Variants in NEDD4L observed in about 807,000 individuals in gnomAD.
The protein encoded by NEDD4L is NEDD4 like E3 ubiquitin protein ligase, also known as E3 ubiquitin-protein ligase NEDD4-like.
NEDD4L carries 54 observed loss-of-function variants against 148.9 expected under a neutral mutation model. That is an observed-to-expected ratio of 0.36 (90% CI 0.29 to 0.45). NEDD4L has a LOEUF of 0.45. Among genes scored for constraint, NEDD4L ranks in the 20% least tolerant of loss-of-function variants. NEDD4L has a pLI of 1.00. For missense variants in NEDD4L, 856 were observed against 1,233.8 expected, an observed-to-expected ratio of 0.69 and a Z score of 4.59; for synonymous variants, 433 against 440.7, an observed-to-expected ratio of 0.98 and a Z score of 0.22.
At chr18:58,290,039 CA>C (rs2054492568) in intron 5 of NEDD4L, among the ~76,000 whole-genome samples, 1 of 152,180 alleles carries the variant, frequency 6.6e-6, no homozygotes, top group South Asian at 2.1e-4. Context: ...ATGATTAAAA[CA>C]AAATATCCGC....
At chr18:58,387,268 T>C (rs944029425) in intron 26 of NEDD4L, among the ~76,000 whole-genome samples, 171 bp from the exon 27 acceptor site, 3 of 152,242 alleles carry the variant, frequency 2.0e-5, no homozygotes, top group Admixed American at 6.5e-5. Flanking sequence ...TGTTATATTG[T>C]GACTGTGCTG....
chr18:58,323,572 C>G (rs899952137), intron 8 of NEDD4L, among the ~76,000 whole-genome samples: 1 of 152,206 alleles, frequency 6.6e-6, no homozygotes. Flanking sequence ...AATGCCATGC[C>G]TATTCCCCAA....
intron 5 of NEDD4L, among the ~76,000 whole-genome samples, chr18:58,309,237 C>T (rs186661967): frequency 1.3e-5 from 2 of 152,270 alleles, no homozygotes; most frequent in East Asian, 1.9e-4. Context: ...TTTTAGTCAG[C>T]GAGCCCTCAG....
rs933574053 is a variant in NEDD4L, at chr18:58,367,933, T to C, written c.2185+66T>C. 2.6e-6 allele frequency: 4 copies of C among 1,561,256 alleles called. No individual in the cohort carries two copies. In the African/African-American group the frequency reaches 5.4e-5, roughly 21 times the overall value. Reference sequence around the variant, plus strand: ...GGTTTGCTAGTAGGTGTCTTATCTTTCGCATCATGGGTTTTTAAGCAAAAG... The same window carrying C: ...GGTTTGCTAGTAGGTGTCTTATCTTCCGCATCATGGGTTTTTAAGCAAAAG... On this transcript the variant is annotated intron_variant, in intron 22 of 30. Transcript: ENST00000400345.
In NEDD4L at chr18:58,394,408, T is replaced by C. The variant is rs139047513; in HGVS notation, c.2826-1759T>C. Among the ~76,000 whole-genome samples the C allele has an allele frequency of 2.0e-4, 30 of 152,370 alleles. No homozygotes were observed. The East Asian group carries it at 5.8e-3, about 29-fold the overall frequency. On this transcript the variant is annotated intron_variant, in intron 30 of 30. Transcript: ENST00000400345. ...CAAACCTGAATAATCTGTGCACCTTTTTTAAAGGGAAAAAATGGTCACAGA... is the reference window on the plus strand; with the variant it reads ...CAAACCTGAATAATCTGTGCACCTTCTTTAAAGGGAAAAAATGGTCACAGA...
intron 5 of NEDD4L, among the ~76,000 whole-genome samples, chr18:58,266,536 A>C (rs1014354205): frequency 4.6e-5 from 7 of 152,128 alleles, no homozygotes; most frequent in Non-Finnish European, 1.0e-4. Flanking sequence ...CTGGAGAAAT[A>C]CTGAGGTTCC....
chr18:58,253,991 G>GTTTTTT (rs35718137), intron 5 of NEDD4L, among the ~76,000 whole-genome samples: 1 of 146,446 alleles, frequency 6.8e-6, no homozygotes. Flanking sequence ...TGGTGTTGCT[G>GTTTTTT]TTTTTTTTTT....
intron 1 of NEDD4L, among the ~76,000 whole-genome samples, chr18:58,053,409 C>T (rs1202702328): frequency 8.6e-5 from 13 of 152,018 alleles, no homozygotes; most frequent in African/African-American, 1.7e-4. Flanking sequence ...CCCGGGTTCA[C>T]GCCATTCGCC....
chr18:58,250,338 T>C (rs35807300), intron 4 of NEDD4L, among the ~76,000 whole-genome samples: 22,638 of 152,084 alleles, frequency 0.15, 1,677 homozygotes, highest in East Asian at 0.19. Context: ...TTAGTAGAGA[T>C]GAGGTTTCAC....
At chr18:58,310,059 TTCTC>T (rs1332993810) in intron 5 of NEDD4L, among the ~76,000 whole-genome samples, 3 of 145,876 alleles carry the variant, frequency 2.1e-5, no homozygotes, top group Admixed American at 2.0e-4. Flanking sequence ...CTCGCTCTCT[TTCTC>T]TCTCTCTGAC....
At chr18:58,310,627 C>T (rs951157404) in intron 5 of NEDD4L, among the ~76,000 whole-genome samples, 1 of 152,234 alleles carries the variant, frequency 6.6e-6, no homozygotes, top group Non-Finnish European at 1.5e-5. Context: ...GGTGGAACCG[C>T]ACTCACACTT....
intron 2 of NEDD4L, among the ~76,000 whole-genome samples, chr18:58,219,913 G>T (rs2043553790): frequency 6.6e-6 from 1 of 152,140 alleles, no homozygotes; most frequent in South Asian, 2.1e-4. Flanking sequence ...ACTTGTTTAG[G>T]TACATTTTCT....
At chr18:58,250,260 C>G (rs2047742365) in intron 4 of NEDD4L, among the ~76,000 whole-genome samples, 1 of 152,086 alleles carries the variant, frequency 6.6e-6, no homozygotes, top group Non-Finnish European at 1.5e-5. Flanking sequence ...AGTGATTCTC[C>G]TGCCTCAACC....
intron 5 of NEDD4L, among the ~76,000 whole-genome samples, chr18:58,267,439 G>A (rs1232823284): frequency 6.6e-6 from 1 of 152,028 alleles, no homozygotes; most frequent in Admixed American, 6.6e-5. Flanking sequence ...GGACCACACT[G>A]GCTACTGTAC....
At chr18:58,175,750 G>A (rs2038055677) in intron 2 of NEDD4L, among the ~76,000 whole-genome samples, 1 of 152,218 alleles carries the variant, frequency 6.6e-6, no homozygotes, top group Non-Finnish European at 1.5e-5. Flanking sequence ...TTAAAGGATA[G>A]TAACTCCCTC....
intron 2 of NEDD4L, among the ~76,000 whole-genome samples, chr18:58,222,780 A>G (rs978369940): frequency 6.6e-6 from 1 of 152,260 alleles, no homozygotes; most frequent in Non-Finnish European, 1.5e-5. Flanking sequence ...CAAAGCCTAC[A>G]GTCAAATCTG....
intron 2 of NEDD4L, among the ~76,000 whole-genome samples, chr18:58,167,118 A>T (rs770691116): frequency 1.3e-5 from 2 of 152,272 alleles, no homozygotes; most frequent in Non-Finnish European, 2.9e-5. Context: ...CAAGTGACTA[A>T]TGGAGGCTTA....
chr18:58,360,564 T>C (rs1050000624), intron 19 of NEDD4L, among the ~76,000 whole-genome samples: 2 of 152,236 alleles, frequency 1.3e-5, no homozygotes, highest in African/African-American at 4.8e-5. Context: ...TTTTGTCCTG[T>C]TCTCTTTATC....
chr18:58,281,117 A>G (rs535923466), intron 5 of NEDD4L, among the ~76,000 whole-genome samples: 92 of 152,212 alleles, frequency 6.0e-4, no homozygotes, highest in African/African-American at 1.9e-3. Context: ...AGCTTGGACT[A>G]CAGGCATGCA....
Sources: gnomAD v4.1 joint callset for allele counts (sites outside exome capture counted in the v4.1 genomes callset) on GRCh38, gnomAD v4.1.1 for gene constraint, MANE v1.5 for transcripts, NCBI Gene and HGNC (gene_info 2026-07-23, HGNC 2026-07-21) for gene names.